The following EXOC4 variants were observed in gnomAD, a reference collection of about 807,000 sequenced individuals.
EXOC4 encodes the protein exocyst complex component 4, also known as SEC8-like 1.
In EXOC4, 71 loss-of-function variants were observed where a neutral mutation model predicts 107.2. The observed-to-expected ratio is 0.66, with a 90% CI of 0.55 to 0.81. EXOC4 has a LOEUF of 0.81. Ranked by LOEUF, EXOC4 falls within the 30% of genes least tolerant of loss-of-function variation. The pLI, the probability that EXOC4 is intolerant of heterozygous loss-of-function variation, is 0.00. For missense variants in EXOC4, 1,108 were observed against 1,189.6 expected (o/e 0.93, Z 1.01); for synonymous variants, 456 against 441.2 (o/e 1.03, Z -0.42).
At chr7:133,957,965 G>A (rs1180819024) in intron 14 of EXOC4, among the ~76,000 whole-genome samples, 1 of 152,148 alleles carries the variant, frequency 6.6e-6, no homozygotes, top group Non-Finnish European at 1.5e-5. Flanking sequence ...TTATGACTTA[G>A]ATCATAAACC....
chr7:133,515,240 A>G lies in EXOC4; in HGVS notation c.1417+35102A>G, dbSNP rs553979914. Among the ~76,000 whole-genome samples the G allele has an allele frequency of 1.1e-4, 16 of 152,208 alleles. No homozygotes were observed. In the South Asian group the frequency reaches 3.1e-3, roughly 30 times the overall value. On this transcript the variant is annotated intron_variant, in intron 9 of 17. Coordinates refer to ENST00000253861, the MANE Select transcript of EXOC4 (RefSeq NM_021807.4). Reference sequence around the variant, plus strand: ...CTGATGCACAGTGCAGTATATTGCAAGAACTTCAGGACATACTTTTTTAGG... The same window carrying G: ...CTGATGCACAGTGCAGTATATTGCAGGAACTTCAGGACATACTTTTTTAGG...
At chr7:133,321,417 C>T (rs1795109039) in intron 5 of EXOC4, among the ~76,000 whole-genome samples, 1 of 152,122 alleles carries the variant, frequency 6.6e-6, no homozygotes, top group Admixed American at 6.6e-5. Flanking sequence ...CTATCCCTCC[C>T]CTAGCCCCGC....
chr7:133,451,268 C>T (rs749746323), intron 7 of EXOC4, among the ~76,000 whole-genome samples: 3 of 150,520 alleles, frequency 2.0e-5, no homozygotes, highest in Admixed American at 6.6e-5. Context: ...TGAGTGGGTA[C>T]GTGGGAGAGA....
At chr7:133,784,097 TA>T (rs1250562345) in intron 10 of EXOC4, among the ~76,000 whole-genome samples, 1 of 152,196 alleles carries the variant, frequency 6.6e-6, no homozygotes, top group African/African-American at 2.4e-5. Context: ...TCTAATCAAT[TA>T]AAAATGCCGC....
intron 9 of EXOC4, among the ~76,000 whole-genome samples, chr7:133,496,622 C>T (rs2150881445): frequency 6.6e-6 from 1 of 152,270 alleles, no homozygotes; most frequent in East Asian, 1.9e-4. Flanking sequence ...ATAAAGGTAT[C>T]TCCTCTCTTT....
chr7:133,365,613 G>C (rs1343488701), intron 6 of EXOC4, among the ~76,000 whole-genome samples: 1 of 152,160 alleles, frequency 6.6e-6, no homozygotes, highest in African/African-American at 2.4e-5. Context: ...TCATAGAGCA[G>C]ATGGAGAATT....
At chr7:133,341,834 T>G (rs150917554) in intron 5 of EXOC4, among the ~76,000 whole-genome samples, 530 of 152,304 alleles carry the variant, frequency 3.5e-3, no homozygotes, top group Non-Finnish European at 6.2e-3. Context: ...TTGTTTTGTC[T>G]GATATAGAAA....
the EXOC4 span, among the ~76,000 whole-genome samples, chr7:134,077,011 G>GAGA: frequency 2.1e-3 from 313 of 152,102 alleles, no homozygotes; most frequent in Middle Eastern, 0.01. Context: ...GAGAGATGAG[G>GAGA]AGACAGAATT....
intron 1 of EXOC4, among the ~76,000 whole-genome samples, chr7:133,272,788 C>T (rs547079141): frequency 6.6e-6 from 1 of 152,250 alleles, no homozygotes; most frequent in African/African-American, 2.4e-5. Flanking sequence ...GGCCCAATTT[C>T]CTCTCTAATC....
At chr7:133,341,071 G>A (rs1167966387) in intron 5 of EXOC4, among the ~76,000 whole-genome samples, 1 of 151,920 alleles carries the variant, frequency 6.6e-6, no homozygotes. Context: ...TCTGCAGCTG[G>A]GTTTGGGTTT....
At chr7:133,576,604 G>C in intron 9 of EXOC4, 1 of 1,289,618 alleles carries the variant, frequency 7.8e-7, no homozygotes, top group Non-Finnish European at 1.0e-6. Flanking sequence ...TTTCTCAAGG[G>C]GGTAGAGATA....
intron 6 of EXOC4, among the ~76,000 whole-genome samples, chr7:133,374,087 G>A (rs937897661): frequency 1.2e-4 from 19 of 152,164 alleles, no homozygotes; most frequent in Non-Finnish European, 2.5e-4. Flanking sequence ...AAATCTTTGA[G>A]CTATCTATTC....
chr7:133,337,887 T>C (rs1478495672), intron 5 of EXOC4, among the ~76,000 whole-genome samples: 1 of 151,998 alleles, frequency 6.6e-6, no homozygotes, highest in Non-Finnish European at 1.5e-5. Context: ...CTGCCTTGGC[T>C]TCCCAAAGTG....
At chr7:133,811,472 T>G (rs1364025191) in intron 10 of EXOC4, among the ~76,000 whole-genome samples, 1 of 152,180 alleles carries the variant, frequency 6.6e-6, no homozygotes, top group East Asian at 1.9e-4. Flanking sequence ...TCCAGTACAC[T>G]GTGGTAAATT....
chr7:133,495,239 C>T (rs981145012), intron 9 of EXOC4, among the ~76,000 whole-genome samples: 10 of 151,108 alleles, frequency 6.6e-5, no homozygotes, highest in Non-Finnish European at 1.2e-4. Flanking sequence ...GTGACAAGAG[C>T]GAAACTGTCT....
chr7:133,695,651 G>C (rs938143927), intron 10 of EXOC4, among the ~76,000 whole-genome samples: 3 of 152,058 alleles, frequency 2.0e-5, no homozygotes, highest in Non-Finnish European at 4.4e-5. Context: ...TATTATTTAA[G>C]TATTGGGGTA....
intron 10 of EXOC4, among the ~76,000 whole-genome samples, chr7:133,743,113 T>TA (rs1795602719): frequency 6.6e-6 from 1 of 152,180 alleles, no homozygotes; most frequent in African/African-American, 2.4e-5. Context: ...CATCTGTTCT[T>TA]ATCATAGTAG....
At chr7:133,635,632 A>C (rs983474494) in intron 10 of EXOC4, among the ~76,000 whole-genome samples, 1 of 152,188 alleles carries the variant, frequency 6.6e-6, no homozygotes, top group African/African-American at 2.4e-5. Flanking sequence ...AGGTGCACTT[A>C]GCACCTCATA....
At chr7:133,770,035 T>C (rs1323704332) in intron 10 of EXOC4, among the ~76,000 whole-genome samples, 1 of 151,756 alleles carries the variant, frequency 6.6e-6, no homozygotes, top group Non-Finnish European at 1.5e-5. Flanking sequence ...TTCAATAAAC[T>C]TGCCAAAATC....
Sources: allele counts gnomAD v4.1 joint callset (sites outside exome capture counted in the v4.1 genomes callset), GRCh38; gene constraint gnomAD v4.1.1; transcripts MANE v1.5; gene names NCBI Gene and HGNC (gene_info 2026-07-23, HGNC 2026-07-21).